TCF4: variants seen among roughly 807,000 people sequenced by gnomAD.
TCF4 encodes transcription factor 4, also known as SL3-3 enhancer factor 2.
A neutral mutation model predicts 82.1 loss-of-function variants in TCF4; 3 were observed. The observed-to-expected ratio is 0.04, with a 90% CI of 0.02 to 0.09. The LOEUF is 0.09. Among genes scored for constraint, TCF4 ranks in the 10% least tolerant of loss-of-function variants. The probability of loss-of-function intolerance (pLI) is 1.00; values close to 1 mark genes in which losing one functional copy is unlikely to be tolerated. For missense variants in TCF4, 518 were observed against 852.7 expected, an observed-to-expected ratio of 0.61 and a Z score of 4.89; for synonymous variants, 276 against 309.6, an observed-to-expected ratio of 0.89 and a Z score of 1.14.
rs1199622514 is a variant in TCF4, at chr18:55,223,186, T to C, written c.*4849A>G. 1 of 152,218 alleles carries C rather than the reference T, an allele frequency of 6.6e-6. No homozygotes were observed. The highest frequency in any genetic ancestry group is 2.4e-5 in the African/African-American group (1 of 41,456). 9.4% of individuals were successfully genotyped at this position (152,218 alleles called of 1,614,324 possible). ...TTCAGTGTTACACACACATTAATTATATTCCTTCAATTAGTTAATCCTCTA... is the reference window on the plus strand; with the variant it reads ...TTCAGTGTTACACACACATTAATTACATTCCTTCAATTAGTTAATCCTCTA... On this transcript the variant is annotated 3_prime_UTR_variant, in exon 20 of 20. Transcript: ENST00000354452.
intron 3 of TCF4, among the ~76,000 whole-genome samples, chr18:55,548,664 A>G (rs1195380182): frequency 1.3e-5 from 2 of 152,222 alleles, no homozygotes; most frequent in Non-Finnish European, 2.9e-5. Context: ...GTAGCCTGCT[A>G]TACACCTAGG....
intron 3 of TCF4, among the ~76,000 whole-genome samples, chr18:55,565,299 CA>C (rs2097394667): frequency 6.9e-6 from 1 of 145,728 alleles, no homozygotes; most frequent in South Asian, 2.2e-4. Context: ...AACCAATGTT[CA>C]ACATTAAAAA....
intron 3 of TCF4, among the ~76,000 whole-genome samples, chr18:55,520,879 G>C (rs1245381802): frequency 6.6e-6 from 1 of 152,192 alleles, no homozygotes; most frequent in Non-Finnish European, 1.5e-5. Context: ...TGAAATCAGT[G>C]TTCCTTAAGC....
chr18:55,415,751 GT>G (rs1301159089), intron 5 of TCF4, among the ~76,000 whole-genome samples: 1 of 152,156 alleles, frequency 6.6e-6, no homozygotes, highest in Non-Finnish European at 1.5e-5. Flanking sequence ...GGCCACAGTA[GT>G]TTTTATTGCC....
intron 2 of TCF4, among the ~76,000 whole-genome samples, chr18:55,603,671 C>T (rs17514242): frequency 6.6e-6 from 1 of 152,022 alleles, no homozygotes; most frequent in African/African-American, 2.4e-5. Context: ...TTCATAACCA[C>T]AGGCTGCATC....
At chr18:55,560,455 T>C (rs991326274) in intron 3 of TCF4, among the ~76,000 whole-genome samples, 18 of 152,188 alleles carry the variant, frequency 1.2e-4, no homozygotes, top group Admixed American at 1.2e-3. Flanking sequence ...TAATGGCAGG[T>C]AGGTCCTTTG....
At chr18:55,526,898 G>GGT (rs2096990795) in intron 3 of TCF4, among the ~76,000 whole-genome samples, 1 of 151,814 alleles carries the variant, frequency 6.6e-6, no homozygotes, top group Admixed American at 6.6e-5. Flanking sequence ...AACATAAAGG[G>GGT]GTATATATAC....
At chr18:55,365,187 A>ATGTG (rs1354127999) in intron 6 of TCF4, among the ~76,000 whole-genome samples, 27 of 108,400 alleles carry the variant, frequency 2.5e-4, no homozygotes, top group African/African-American at 1.1e-3. Flanking sequence ...ATATATATAT[A>ATGTG]TATATGTGTG....
chr18:55,234,539 C>T lies in TCF4; in HGVS notation c.1486+9G>A, dbSNP rs749258385. The T allele has an allele frequency of 6.2e-7, 1 of 1,614,036 alleles. No homozygotes were observed. Among genetic ancestry groups the T allele is most frequent in the Non-Finnish European group, 8.5e-7 (1 of 1,180,034 alleles). On this transcript the variant is annotated intron_variant, in intron 16 of 19. Transcript: ENST00000354452. ...TGAGGTCAGAAGTGCCCTGGTGAGG[C>T]CAACCTACCTCTGTAAGGGTCCTGG... is the stretch of plus-strand genomic sequence containing the variant.
chr18:55,588,851 AG>A (rs1187815449), upstream of TCF4, among the ~76,000 whole-genome samples: 2 of 151,900 alleles, frequency 1.3e-5, no homozygotes, highest in Non-Finnish European at 2.9e-5. Flanking sequence ...AAAAAAAAAA[AG>A]GGCAATTTTT....
chr18:55,310,890 T>C (rs2072162752), intron 8 of TCF4, among the ~76,000 whole-genome samples: 1 of 152,158 alleles, frequency 6.6e-6, no homozygotes, highest in Non-Finnish European at 1.5e-5. Flanking sequence ...GACAAACCAA[T>C]AGTTACACTG....
At chr18:55,309,909 T>C (rs1436253238) in intron 8 of TCF4, among the ~76,000 whole-genome samples, 1 of 152,166 alleles carries the variant, frequency 6.6e-6, no homozygotes, top group Non-Finnish European at 1.5e-5. Flanking sequence ...AAATTCATGA[T>C]TTAAAAAAAT....
In TCF4 at chr18:55,629,752, C is replaced by A. The variant is rs140560649; in HGVS notation, c.286+1546G>T. Reference sequence around the variant, plus strand: ...ACAAAGGCACAGGAGTGAAATCTATCTAAAAACTTTTATGTAAAATCACTC... The same window carrying A: ...ACAAAGGCACAGGAGTGAAATCTATATAAAAACTTTTATGTAAAATCACTC... On this transcript the variant is annotated intron_variant, in intron 2 of 20. Coordinates refer to the TCF4 transcript ENST00000398339. Among the ~76,000 whole-genome samples, 716 of 152,256 alleles carry A rather than the reference C, an allele frequency of 4.7e-3. 4 individuals are homozygous for A. Among genetic ancestry groups the A allele is most frequent in the African/African-American group, 0.016 (646 of 41,548 alleles).
chr18:55,229,729 A>T (rs918239994), intron 17 of TCF4: 4 of 152,786 alleles, frequency 2.6e-5, no homozygotes, highest in African/African-American at 9.7e-5. Context: ...CATTTTCTCT[A>T]TGTATTAAAC....
chr18:55,558,169 A>G (rs564702919), intron 3 of TCF4, among the ~76,000 whole-genome samples: 1 of 152,292 alleles, frequency 6.6e-6, no homozygotes, highest in Non-Finnish European at 1.5e-5. Context: ...CTAGGATCCT[A>G]CTACTGTACT....
rs535103541 is a variant in TCF4 at position 55,417,147 on chromosome 18, T to A, written c.305-13629A>T. On this transcript the variant is annotated intron_variant, in intron 5 of 19. Coordinates refer to ENST00000354452, the MANE Select transcript of TCF4 (RefSeq NM_001083962.2). ...TTTACTTAGAATTACTTATTTTTTT[T>A]ATCAAAGTTTAAATGCAGTCCCTCA... 4.6e-5 allele frequency among the ~76,000 whole-genome samples: 7 copies of A among 152,346 alleles called. No individual in the cohort carries two copies. In the South Asian group the frequency reaches 8.3e-4, roughly 18 times the overall value.
intron 5 of TCF4, among the ~76,000 whole-genome samples, chr18:55,438,669 A>C (rs907673093): frequency 1.3e-5 from 2 of 152,282 alleles, no homozygotes; most frequent in Admixed American, 1.3e-4. Context: ...TAATTTTACC[A>C]GAAGACTTTT....
At chr18:55,606,368 T>C (rs956081034) in intron 2 of TCF4, among the ~76,000 whole-genome samples, 2 of 152,116 alleles carry the variant, frequency 1.3e-5, no homozygotes, top group Non-Finnish European at 2.9e-5. Flanking sequence ...GTTCTTCCAC[T>C]GTGGGAATAT....
chr18:55,422,246 T>C, intron 5 of TCF4: 2 of 984,754 alleles, frequency 2.0e-6, no homozygotes, highest in East Asian at 1.1e-4. Flanking sequence ...AAATACGTGA[T>C]GAAGAGTCGC....
Sources: allele counts gnomAD v4.1 joint callset (sites outside exome capture counted in the v4.1 genomes callset), GRCh38; gene constraint gnomAD v4.1.1; transcripts MANE v1.5; gene names NCBI Gene and HGNC (gene_info 2026-07-23, HGNC 2026-07-21).